PTPRD: variants seen among roughly 807,000 people sequenced by gnomAD.
The protein encoded by PTPRD is receptor-type tyrosine-protein phosphatase delta.
PTPRD carries 34 observed loss-of-function variants against 214.5 expected under a neutral mutation model. That is an observed-to-expected ratio of 0.16 (90% CI 0.12 to 0.21). PTPRD has a LOEUF of 0.21. PTPRD is among the 10% of genes least tolerant of loss of function. The pLI is 1.00. For missense variants in PTPRD, 2,545 were observed against 2,398.7 expected (o/e 1.06, Z -1.27); for synonymous variants, 1,128 against 845.7 (o/e 1.33, Z -5.79).
intron 11 of PTPRD, among the ~76,000 whole-genome samples, chr9:8,933,077 T>C (rs1015712233): frequency 8.6e-5 from 13 of 151,938 alleles, no homozygotes; most frequent in African/African-American, 3.1e-4. Flanking sequence ...GAGTGCACCG[T>C]TCCTCATGGC....
chr9:9,687,228 TG>T (rs1419584358), intron 7 of PTPRD, among the ~76,000 whole-genome samples: 4 of 151,824 alleles, frequency 2.6e-5, no homozygotes, highest in Non-Finnish European at 4.4e-5. Context: ...TTTAAAACCT[TG>T]AGACATTTGT....
At chr9:10,190,386 GAAAAAAAAAAAAAA>G (rs66511711) in intron 3 of PTPRD, among the ~76,000 whole-genome samples, 3,786 of 50,068 alleles carry the variant, frequency 0.076, 84 homozygotes, top group South Asian at 0.21. Flanking sequence ...TCTATCTCCA[GAAAAAAAAAAAAAA>G]AAAAAAAAAA....
intron 4 of PTPRD, among the ~76,000 whole-genome samples, chr9:9,939,200 T>C (rs1381153898): frequency 6.6e-6 from 1 of 152,118 alleles, no homozygotes; most frequent in Non-Finnish European, 1.5e-5. Context: ...GACCTCATGA[T>C]AAAAATTATA....
At chr9:9,553,127 G>A (rs1167703311) in intron 8 of PTPRD, among the ~76,000 whole-genome samples, 1 of 152,038 alleles carries the variant, frequency 6.6e-6, no homozygotes, top group Non-Finnish European at 1.5e-5. Context: ...AAGATAGTTT[G>A]TAATGTAGCT....
intron 7 of PTPRD, among the ~76,000 whole-genome samples, chr9:9,729,367 A>G (rs1406498324): frequency 6.6e-6 from 1 of 152,136 alleles, no homozygotes. Context: ...GAAAATGCAC[A>G]TAGAGGATTT....
intron 7 of PTPRD, among the ~76,000 whole-genome samples, chr9:9,692,173 G>GTTC (rs2097284542): frequency 5.9e-5 from 9 of 151,946 alleles, no homozygotes; most frequent in African/African-American, 1.7e-4. Context: ...CTATGCTTGT[G>GTTC]GGATATTCAT....
intron 7 of PTPRD, among the ~76,000 whole-genome samples, chr9:9,653,007 T>A (rs1373197103): frequency 6.6e-6 from 1 of 152,150 alleles, no homozygotes; most frequent in South Asian, 2.1e-4. Context: ...CAATATGGAC[T>A]TAATCAAAGC....
chr9:8,878,535 G>A (rs1341573443), intron 11 of PTPRD, among the ~76,000 whole-genome samples: 3 of 148,472 alleles, frequency 2.0e-5, no homozygotes, highest in Admixed American at 1.3e-4. Context: ...TTTTTTTTTT[G>A]TTTTCTTTTG....
intron 36 of PTPRD, among the ~76,000 whole-genome samples, chr9:8,395,746 T>G (rs1274980706): frequency 6.6e-6 from 1 of 151,990 alleles, no homozygotes. Context: ...CAACTCCTCA[T>G]TAATGTATGT....
intron 5 of PTPRD, among the ~76,000 whole-genome samples, chr9:9,890,975 A>G (rs948644820): frequency 1.3e-5 from 2 of 152,156 alleles, no homozygotes; most frequent in Non-Finnish European, 2.9e-5. Context: ...TGGCAGTAAG[A>G]CATAGAAAAG....
At chr9:9,818,590 C>T (rs892729095) in intron 5 of PTPRD, among the ~76,000 whole-genome samples, 4 of 151,970 alleles carry the variant, frequency 2.6e-5, no homozygotes, top group Non-Finnish European at 5.9e-5. Flanking sequence ...TTGTGATTGC[C>T]ATTAGACCAA....
intron 35 of PTPRD, among the ~76,000 whole-genome samples, chr9:8,428,620 G>T (rs1364423192): frequency 6.6e-6 from 1 of 151,998 alleles, no homozygotes; most frequent in Non-Finnish European, 1.5e-5. Flanking sequence ...CAAGAAAGTG[G>T]GGGAACCACC....
In PTPRD at chr9:10,494,625, CT is replaced by C. The variant is rs530008757; in HGVS notation, c.-600+117772del. 7.6e-3 allele frequency among the ~76,000 whole-genome samples: 1,028 copies of C among 135,606 alleles called. 9 individuals carry two copies. Among genetic ancestry groups the C allele is most frequent in the African/African-American group, 0.024 (904 of 37,290 alleles). The allele number at this position is 135,606 out of a possible 152,430, so 89.0% of individuals were successfully genotyped here. ...TTAGGTCTTTTCTCTCAGTCTGGGG[CT>C]TTTTTTTTTTCACTCTAACAAATTG... On this transcript the variant is annotated intron_variant, in intron 2 of 45. Transcript: ENST00000381196.
At chr9:8,344,681 G>C (rs899223500) in intron 39 of PTPRD, among the ~76,000 whole-genome samples, 4 of 151,988 alleles carry the variant, frequency 2.6e-5, no homozygotes, top group African/African-American at 9.7e-5. Context: ...AAGAATTCTT[G>C]AGGGATTTAA....
intron 12 of PTPRD, among the ~76,000 whole-genome samples, chr9:8,729,179 A>G (rs1055025201): frequency 6.6e-6 from 1 of 152,150 alleles, no homozygotes; most frequent in African/African-American, 2.4e-5. Context: ...CAACCGTACA[A>G]ACAGAGGAAA....
intron 9 of PTPRD, among the ~76,000 whole-genome samples, chr9:9,221,029 C>T (rs891304207): frequency 2.0e-5 from 3 of 152,064 alleles, no homozygotes; most frequent in African/African-American, 7.2e-5. Flanking sequence ...TTCTGTCCCT[C>T]TCCCTGGTTG....
intron 10 of PTPRD, among the ~76,000 whole-genome samples, chr9:9,111,049 T>C (rs2099805259): frequency 6.6e-6 from 1 of 152,040 alleles, no homozygotes; most frequent in Non-Finnish European, 1.5e-5. Context: ...TACATCCTCA[T>C]GGAGCTGACA....
At chr9:9,226,484 G>C (rs2099959553) in intron 9 of PTPRD, among the ~76,000 whole-genome samples, 1 of 151,910 alleles carries the variant, frequency 6.6e-6, no homozygotes. Context: ...GAATTTAGTG[G>C]GTAGTGAAGG....
chr9:9,035,968 G>C (rs2099620427), intron 10 of PTPRD, among the ~76,000 whole-genome samples: 1 of 152,032 alleles, frequency 6.6e-6, no homozygotes, highest in African/African-American at 2.4e-5. Context: ...ATACTAATGT[G>C]CTTAATCATT....
Sources: allele counts gnomAD v4.1 joint callset (sites outside exome capture counted in the v4.1 genomes callset), GRCh38; gene constraint gnomAD v4.1.1; transcripts MANE v1.5; gene names NCBI Gene and HGNC (gene_info 2026-07-23, HGNC 2026-07-21).